The following VWA8 variants were observed in gnomAD, a reference collection of about 807,000 sequenced individuals.
VWA8 encodes von Willebrand factor A domain containing 8, also known as von Willebrand factor A domain-containing protein 8.
Under a neutral mutation model 241.5 loss-of-function variants are expected in VWA8, and 221 were observed. That is an observed-to-expected ratio of 0.91 (90% CI 0.82 to 1.02). The LOEUF is 1.02. Ranked by LOEUF, VWA8 falls within the 50% of genes least tolerant of loss-of-function variation. VWA8 has a pLI of 0.00. For missense variants in VWA8, 2,322 were observed against 2,328.7 expected, an observed-to-expected ratio of 1.00 and a Z score of 0.06; for synonymous variants, 852 against 827.1, an observed-to-expected ratio of 1.03 and a Z score of -0.52.
intron 40 of VWA8, among the ~76,000 whole-genome samples, chr13:41,597,135 T>C (rs2044493998): frequency 6.6e-6 from 1 of 152,112 alleles, no homozygotes; most frequent in Non-Finnish European, 1.5e-5. Flanking sequence ...AAATATTTGT[T>C]GGGTGAATGA....
intron 41 of VWA8, among the ~76,000 whole-genome samples, chr13:41,588,285 T>C (rs758071286): frequency 6.6e-6 from 1 of 152,256 alleles, no homozygotes; most frequent in Non-Finnish European, 1.5e-5. Flanking sequence ...TTTTCTTTTC[T>C]TGGCAGTTTG....
Sources: allele counts gnomAD v4.1 joint callset (sites outside exome capture counted in the v4.1 genomes callset), GRCh38; gene constraint gnomAD v4.1.1; transcripts MANE v1.5; gene names NCBI Gene and HGNC (gene_info 2026-07-23, HGNC 2026-07-21).